CCNY: variants seen among roughly 807,000 people sequenced by gnomAD.
CCNY encodes the protein cyclin-Y.
Under a neutral mutation model 42.8 loss-of-function variants are expected in CCNY, and 19 were observed. The observed-to-expected ratio is 0.44, with a 90% confidence interval of 0.31 to 0.65. CCNY has a LOEUF of 0.65. Ranked by LOEUF, CCNY falls within the 30% of genes least tolerant of loss-of-function variation. The pLI, the probability that CCNY is intolerant of heterozygous loss-of-function variation, is 0.07. For synonymous variants in CCNY, 165 were observed against 162.7 expected (o/e 1.01, Z -0.11); for missense variants, 370 against 437.3 (o/e 0.85, Z 1.37).
At chr10:35,412,577 G>A (rs886371689) in intron 1 of CCNY, among the ~76,000 whole-genome samples, 7 of 151,830 alleles carry the variant, frequency 4.6e-5, no homozygotes, top group African/African-American at 1.2e-4. Context: ...GCAGCTGGGC[G>A]CTGTGGCTCA....
chr10:35,330,394 C>T (rs1835928444), intron 3 of CCNY, among the ~76,000 whole-genome samples: 1 of 152,194 alleles, frequency 6.6e-6, no homozygotes, highest in Non-Finnish European at 1.5e-5. Context: ...TCATTCCATT[C>T]CATCCTGGAT....
intron 5 of CCNY, among the ~76,000 whole-genome samples, chr10:35,527,800 T>C (rs1285823661): frequency 6.6e-6 from 1 of 152,246 alleles, no homozygotes; most frequent in Non-Finnish European, 1.5e-5. Flanking sequence ...GATGCCCGTC[T>C]GCATGCCTTC....
intron 1 of CCNY, among the ~76,000 whole-genome samples, chr10:35,441,512 G>A (rs1838668117): frequency 6.6e-6 from 1 of 152,238 alleles, no homozygotes; most frequent in African/African-American, 2.4e-5. Flanking sequence ...GCGAGGCCGA[G>A]GCGGGAGGAT....
chr10:35,264,739 C>T (rs2095723323), intron 3 of CCNY, among the ~76,000 whole-genome samples: 2 of 152,116 alleles, frequency 1.3e-5, no homozygotes, highest in Admixed American at 6.6e-5. Context: ...ACTGCAACCT[C>T]AGCCTCCCAG....
intron 7 of CCNY, among the ~76,000 whole-genome samples, chr10:35,549,708 A>G (rs1193392637): frequency 6.9e-6 from 1 of 145,628 alleles, no homozygotes; most frequent in African/African-American, 2.6e-5. Context: ...CCGTGACCCT[A>G]CACTGCTTGT....
rs575037156 is a variant in CCNY, at chr10:35,518,746, G to A, written c.365+2123G>A. 1.1e-3 allele frequency among the ~76,000 whole-genome samples: 156 copies of A among 144,820 alleles called. 4 individuals carry two copies. The highest frequency in any genetic ancestry group is 4.0e-3 in the African/African-American group (145 of 36,078). On this transcript the variant is annotated intron_variant, in intron 4 of 9. Coordinates refer to ENST00000374704, the MANE Select transcript of CCNY (RefSeq NM_145012.6). ...ATTGAATCTGGCTGAGGCATACTGT[G>A]GGTATTTGGATTTGTAACAGCTCTT...
chr10:35,468,963 G>A (rs1207477702), intron 1 of CCNY, among the ~76,000 whole-genome samples: 2 of 152,280 alleles, frequency 1.3e-5, no homozygotes, highest in East Asian at 3.9e-4. Context: ...CTCTCTGAGG[G>A]TTCTAGCTAT....
At chr10:35,448,946 G>T (rs926600599) in intron 1 of CCNY, among the ~76,000 whole-genome samples, 2 of 152,056 alleles carry the variant, frequency 1.3e-5, no homozygotes, top group Non-Finnish European at 2.9e-5. Context: ...CAAGGTCAGG[G>T]GATTTGCTGG....
intron 3 of CCNY, among the ~76,000 whole-genome samples, chr10:35,272,395 T>A (rs530707661): frequency 4.6e-5 from 7 of 152,200 alleles, no homozygotes; most frequent in African/African-American, 1.7e-4. Flanking sequence ...ATCACCCAGA[T>A]ATTAGGCCTA....
At chr10:35,435,728 G>A (rs1293931478) in intron 1 of CCNY, among the ~76,000 whole-genome samples, 1 of 152,210 alleles carries the variant, frequency 6.6e-6, no homozygotes, top group Admixed American at 6.5e-5. Flanking sequence ...AAGCTTTTGT[G>A]TTGAGGACTC....
chr10:35,261,880 G>T (rs542222868), intron 3 of CCNY, among the ~76,000 whole-genome samples: 12 of 152,116 alleles, frequency 7.9e-5, no homozygotes, highest in African/African-American at 2.9e-4. Flanking sequence ...AATTAGCCAG[G>T]CATGGTGGTG....
At chr10:35,568,403 C>G (rs192434020) in intron 9 of CCNY, among the ~76,000 whole-genome samples, 136 of 152,362 alleles carry the variant, frequency 8.9e-4, no homozygotes, top group Admixed American at 2.9e-3. Context: ...CCAGTTCTAG[C>G]CACACCCAGT....
Position 35,483,477 on chromosome 10 carries a change from C to T in CCNY, c.228C>T (p.Asp76=), listed in dbSNP as rs149125137. ...STIFLSKSQT[D]VREKRKSLFI... Reference sequence around the variant, plus strand: ...TATTCCTCAGTAAATCTCAGACGGACGGTAGGTCCTTAATTTATGTTTCTT... The same window carrying T: ...TATTCCTCAGTAAATCTCAGACGGATGGTAGGTCCTTAATTTATGTTTCTT... The change falls in exon 2 of 10, where the codon GAC becomes GAT. Residue 76 remains aspartate, a splice_region_variant and synonymous_variant. Transcript: ENST00000374704. 2.8e-4 allele frequency: 442 copies of T among 1,579,792 alleles called. No homozygotes were observed. The highest frequency in any genetic ancestry group is 3.6e-4 in the Non-Finnish European group (419 of 1,151,402).
chr10:35,453,241 A>G (rs753089958), intron 1 of CCNY, among the ~76,000 whole-genome samples: 7 of 152,236 alleles, frequency 4.6e-5, no homozygotes, highest in Non-Finnish European at 8.8e-5. Flanking sequence ...CTAGTCCTGT[A>G]TATAAAATTT....
intron 4 of CCNY, among the ~76,000 whole-genome samples, chr10:35,519,906 T>C (rs1360196035): frequency 6.7e-6 from 1 of 150,144 alleles, no homozygotes; most frequent in Non-Finnish European, 1.5e-5. Flanking sequence ...GCCTTCCGAG[T>C]AGCTGGGATT....
intron 1 of CCNY, among the ~76,000 whole-genome samples, chr10:35,358,895 C>T (rs1349878164): frequency 6.6e-6 from 1 of 152,176 alleles, no homozygotes; most frequent in Admixed American, 6.5e-5. Flanking sequence ...CCAGAAAGCC[C>T]CATGCTTCAC....
chr10:35,502,267 G>A lies in CCNY; in HGVS notation c.264+732G>A, dbSNP rs1840126055. 2.6e-5 allele frequency among the ~76,000 whole-genome samples: 4 copies of A among 152,142 alleles called. No homozygotes were observed. In the South Asian group the frequency reaches 8.3e-4, roughly 32 times the overall value. The stretch of plus-strand genomic sequence containing the variant: ...GGCCCTTTAGGAAAGAAAACTCTCC[G>A]AGAGGGATGGAATGATGAAACAGGT... On this transcript the variant is annotated intron_variant, in intron 3 of 9. Transcript: ENST00000374704.
intron 1 of CCNY, among the ~76,000 whole-genome samples, chr10:35,352,327 G>C (rs1332781355): frequency 6.6e-6 from 1 of 152,204 alleles, no homozygotes; most frequent in Non-Finnish European, 1.5e-5. Flanking sequence ...GCAAGTGGCT[G>C]CATCCCCTTG....
At chr10:35,354,754 A>G (rs1045530856) in intron 1 of CCNY, among the ~76,000 whole-genome samples, 1 of 152,138 alleles carries the variant, frequency 6.6e-6, no homozygotes, top group Admixed American at 6.6e-5. Context: ...AGGATTTTTC[A>G]TGGAGACAAA....
Sources: allele counts gnomAD v4.1 joint callset (sites outside exome capture counted in the v4.1 genomes callset), GRCh38; gene constraint gnomAD v4.1.1; transcripts MANE v1.5; gene names NCBI Gene and HGNC (gene_info 2026-07-23, HGNC 2026-07-21).